KCNAB1: variants seen among roughly 807,000 people sequenced by gnomAD.
KCNAB1 encodes voltage-gated potassium channel subunit beta-1.
A neutral mutation model predicts 64.6 loss-of-function variants in KCNAB1; 35 were observed. The observed-to-expected ratio is 0.54, with a 90% CI of 0.41 to 0.72. The LOEUF (loss-of-function observed/expected upper bound fraction) is 0.72, where lower values mean the gene tolerates loss of function less well. Ranked by LOEUF, KCNAB1 falls within the 30% of genes least tolerant of loss-of-function variation. The pLI is 0.00. For synonymous variants in KCNAB1, 177 were observed against 183.8 expected (o/e 0.96, Z 0.30); for missense variants, 401 against 512.9 (o/e 0.78, Z 2.11).
At position 156,158,179 on chromosome 3, in the gene KCNAB1, A is replaced by AAAATAAAT. The variant is rs58622682; in HGVS notation, c.275+37330_275+37337dup. On this transcript the variant is annotated intron_variant, in intron 1 of 13. Transcript: ENST00000490337. ...AACTCTGTCTCAAAAAAAAAAATAA[A>AAAATAAAT]AAATAAATAAATAAATAAATAAATA... 2.7e-3 allele frequency among the ~76,000 whole-genome samples: 162 copies of AAAATAAAT among 60,672 alleles called. 2 individuals are homozygous for AAAATAAAT. Among genetic ancestry groups the AAAATAAAT allele is most frequent in the African/African-American group, 4.5e-3 (97 of 21,784 alleles). The allele number at this position is 60,672 out of a possible 152,430, so 39.8% of individuals were successfully genotyped here. A position where few individuals can be genotyped will look rare whatever the true frequency, so the allele number is the denominator to read the frequency against.
rs61017269 is a variant in KCNAB1 at position 156,395,544 on chromosome 3, CAAAAAAAAAAAAAAAAAAAAAAAAAAA to C, written c.276-26057_276-26031del. 6.0e-3 allele frequency among the ~76,000 whole-genome samples: 154 copies of C among 25,466 alleles called. 4 individuals are homozygous for C. The highest frequency in any genetic ancestry group is 0.014 in the South Asian group (6 of 422). The allele number at this position is 25,466 out of a possible 152,430, so 16.7% of individuals were successfully genotyped here. A position where few individuals can be genotyped will look rare whatever the true frequency, so the allele number is the denominator to read the frequency against. ...TGGGCGACAGAGCGAGACTCCGTCT[CAAAAAAAAAAAAAAAAAAAAAAAAAAA>C]AAAAAAAAAAAAAATCAGACATTGT... On this transcript the variant is annotated intron_variant, in intron 1 of 13. Coordinates refer to ENST00000490337, the MANE Select transcript of KCNAB1 (RefSeq NM_172160.3).
intron 1 of KCNAB1, among the ~76,000 whole-genome samples, chr3:156,200,222 A>T (rs1253031982): frequency 6.6e-6 from 1 of 152,164 alleles, no homozygotes; most frequent in Non-Finnish European, 1.5e-5. Context: ...AGCCTGCCTG[A>T]TGCCAGCCAG....
At chr3:156,498,358 T>C (rs58174610) in intron 8 of KCNAB1, among the ~76,000 whole-genome samples, 10,527 of 152,150 alleles carry the variant, frequency 0.069, 1,086 homozygotes, top group African/African-American at 0.23. Flanking sequence ...TTCCCACGTG[T>C]TGTGGGAGGA....
chr3:156,438,654 AGT>A (rs1313947813), intron 2 of KCNAB1, among the ~76,000 whole-genome samples: 1 of 152,202 alleles, frequency 6.6e-6, no homozygotes, highest in Non-Finnish European at 1.5e-5. Flanking sequence ...TGCTTGTACT[AGT>A]ACTATTTGTC....
chr3:156,385,128 C>T (rs554816582), intron 1 of KCNAB1, among the ~76,000 whole-genome samples: 1 of 152,264 alleles, frequency 6.6e-6, no homozygotes, highest in African/African-American at 2.4e-5. Context: ...CCTGCCAATG[C>T]CAAAGTGCCA....
chr3:156,473,016 C>T (rs1274442470), intron 7 of KCNAB1, among the ~76,000 whole-genome samples: 1 of 152,148 alleles, frequency 6.6e-6, no homozygotes, highest in African/African-American at 2.4e-5. Flanking sequence ...AGAGAGAGGG[C>T]CATTGTCAGA....
At chr3:156,223,340 T>C (rs1435518109) in intron 1 of KCNAB1, among the ~76,000 whole-genome samples, 1 of 152,206 alleles carries the variant, frequency 6.6e-6, no homozygotes, top group East Asian at 1.9e-4. Flanking sequence ...GGCAGCCTGG[T>C]TTTATTCTCT....
intron 1 of KCNAB1, among the ~76,000 whole-genome samples, chr3:156,330,095 T>C (rs1723234226): frequency 6.6e-6 from 1 of 152,186 alleles, no homozygotes; most frequent in African/African-American, 2.4e-5. Flanking sequence ...AAACTTGTTT[T>C]TTCACAAACT....
At chr3:156,387,191 G>A (rs568338139) in intron 1 of KCNAB1, among the ~76,000 whole-genome samples, 51 of 151,884 alleles carry the variant, frequency 3.4e-4, no homozygotes, top group African/African-American at 1.1e-3. Context: ...GGTGTGGAGC[G>A]GGGTGACTGC....
intron 4 of KCNAB1, among the ~76,000 whole-genome samples, chr3:156,458,843 A>G (rs1450422133): frequency 1.3e-5 from 2 of 152,222 alleles, no homozygotes; most frequent in Non-Finnish European, 2.9e-5. Context: ...TTGTCGGTCT[A>G]TAATTGAGAT....
At chr3:156,140,423 C>T (rs4234308) in intron 1 of KCNAB1, among the ~76,000 whole-genome samples, 98,617 of 151,910 alleles carry the variant, frequency 0.65, 32,545 homozygotes, top group Admixed American at 0.76. Flanking sequence ...TGGTAAGGGC[C>T]CTCTTCCCGG....
At chr3:156,505,196 C>G (rs1716753925) in intron 8 of KCNAB1, among the ~76,000 whole-genome samples, 1 of 152,082 alleles carries the variant, frequency 6.6e-6, no homozygotes, top group Non-Finnish European at 1.5e-5. Context: ...TTCCTGGAAC[C>G]TTTGTCAAAA....
chr3:156,416,659 C>T (rs988995419), intron 1 of KCNAB1, among the ~76,000 whole-genome samples: 4 of 152,162 alleles, frequency 2.6e-5, no homozygotes, highest in Non-Finnish European at 4.4e-5. Flanking sequence ...ATAAGCTGCA[C>T]GAGAGCAGCA....
intron 1 of KCNAB1, among the ~76,000 whole-genome samples, chr3:156,367,371 C>A (rs376809045): frequency 2.0e-5 from 3 of 150,996 alleles, no homozygotes; most frequent in East Asian, 3.9e-4. Flanking sequence ...TTAGTAGAGA[C>A]GGGGTTTCAC....
intron 1 of KCNAB1, among the ~76,000 whole-genome samples, chr3:156,246,200 G>A (rs1358597363): frequency 1.3e-5 from 2 of 152,194 alleles, no homozygotes; most frequent in African/African-American, 4.8e-5. Context: ...TAGGTCATTT[G>A]CATCAAATTT....
intron 1 of KCNAB1, among the ~76,000 whole-genome samples, chr3:156,350,221 G>T (rs1482357108): frequency 6.6e-6 from 1 of 152,156 alleles, no homozygotes; most frequent in Admixed American, 6.5e-5. Context: ...AAACATGTCA[G>T]ATAAATGAGA....
intron 1 of KCNAB1, among the ~76,000 whole-genome samples, chr3:156,412,513 T>A (rs1714736486): frequency 6.6e-6 from 1 of 152,260 alleles, no homozygotes; most frequent in African/African-American, 2.4e-5. Flanking sequence ...ATTGGATTGT[T>A]CATTTAGTCA....
intron 2 of KCNAB1, among the ~76,000 whole-genome samples, chr3:156,445,062 C>T (rs1007609713): frequency 1.3e-5 from 2 of 152,326 alleles, no homozygotes; most frequent in Middle Eastern, 3.4e-3. Context: ...CTTTGGGAGG[C>T]TGCGGTGGGC....
chr3:156,231,123 A>C (rs1716495743), intron 1 of KCNAB1, among the ~76,000 whole-genome samples: 1 of 152,218 alleles, frequency 6.6e-6, no homozygotes, highest in Non-Finnish European at 1.5e-5. Context: ...TTACAGCAAT[A>C]TTCAAGACTT....
Sources: gnomAD v4.1 joint callset for allele counts (sites outside exome capture counted in the v4.1 genomes callset) on GRCh38, gnomAD v4.1.1 for gene constraint, MANE v1.5 for transcripts, NCBI Gene and HGNC (gene_info 2026-07-23, HGNC 2026-07-21) for gene names.